The following USP6 variants were observed in gnomAD, a reference collection of about 807,000 sequenced individuals.
The protein encoded by USP6 is ubiquitin specific peptidase 6.
Under a neutral mutation model 175.7 loss-of-function variants are expected in USP6, and 128 were observed. The observed-to-expected ratio is 0.73, with a 90% CI of 0.63 to 0.84. The LOEUF (loss-of-function observed/expected upper bound fraction) is 0.84, where lower values mean the gene tolerates loss of function less well. Ranked by LOEUF, USP6 falls within the 40% of genes least tolerant of loss-of-function variation. The pLI is 0.00. For synonymous variants in USP6, 562 were observed against 630.6 expected, an observed-to-expected ratio of 0.89 and a Z score of 1.63; for missense variants, 1,498 against 1,760.3, an observed-to-expected ratio of 0.85 and a Z score of 2.67.
At chr17:5,170,364 C>G (rs2074186704) in intron 35 of USP6, 115 bp from the exon 36 acceptor site, 1 of 1,461,676 alleles carries the variant, frequency 6.8e-7, no homozygotes, top group African/African-American at 1.4e-5. Context: ...GTCATGACTC[C>G]CCTGTCTTTA....
At chr17:5,164,462 G>T (rs1598093587) in intron 33 of USP6, among the ~76,000 whole-genome samples, 1 of 152,354 alleles carries the variant, frequency 6.6e-6, no homozygotes, top group South Asian at 2.1e-4. Context: ...ATAAATCTTT[G>T]TTAGCACAAA....
intron 31 of USP6, among the ~76,000 whole-genome samples, chr17:5,158,578 A>G (rs1231189530): frequency 1.5e-4 from 20 of 134,188 alleles, no homozygotes; most frequent in Admixed American, 3.1e-4. Flanking sequence ...AAAGAGAGAG[A>G]GGGAGAGAGA....
chr17:5,174,384 A>G lies in USP6; in HGVS notation c.*1406A>G, dbSNP rs1454996691. The G allele has an allele frequency of 5.2e-6, 1 of 190,850 alleles. No individual in the cohort carries two copies. The highest frequency in any genetic ancestry group is 8.3e-5 in the East Asian group (1 of 12,038). The allele number at this position is 190,850 out of a possible 1,614,324, so 11.8% of individuals were successfully genotyped here. A position where few individuals can be genotyped will look rare whatever the true frequency, so the allele number is the denominator to read the frequency against. On this transcript the variant is annotated 3_prime_UTR_variant, in exon 38 of 38. Coordinates refer to ENST00000574788, the MANE Select transcript of USP6 (RefSeq NM_001304284.2). ...TCTTCCTCATAGGTAGTAATTACCA[A>G]TGTAACTAAGCATTTGTGTTCTGAT...
In USP6 at chr17:5,172,841, TACA is replaced by T; in HGVS notation, c.4085_4087del (p.Tyr1362_Ile1363delinsPhe). On this transcript the variant is annotated inframe_deletion, in exon 38 of 38. Transcript: ENST00000574788. ...TGATGAAATTGACACCGACTCTGCC[TACA>T]TTCTTTTCTATGAGCAGCAGGGGAT... is the stretch of plus-strand genomic sequence containing the variant. The T allele has an allele frequency of 1.2e-6, 2 of 1,613,932 alleles. No homozygotes were observed. Among genetic ancestry groups the T allele is most frequent in the South Asian group, 2.2e-5 (2 of 91,076 alleles).
In USP6 at chr17:5,130,406, G is replaced by A; in HGVS notation, c.39G>A (p.Gln13=). ...AGAATGCAGATAGTTTGCAGGCACAGGAGCGGAAGGACATACTTATGAAGT... is the reference window on the plus strand; with the variant it reads ...AGAATGCAGATAGTTTGCAGGCACAAGAGCGGAAGGACATACTTATGAAGT... The part of the protein sequence containing the change: ...MVENADSLQA[Q]ERKDILMKYD... The change falls in exon 10 of 38, where the codon CAG becomes CAA. Residue 13 remains glutamine (Q), a synonymous_variant. Transcript: ENST00000574788. 2 of 1,614,176 alleles carry A rather than the reference G, an allele frequency of 1.2e-6. No homozygotes were observed. The highest frequency in any genetic ancestry group is 1.7e-6 in the Non-Finnish European group (2 of 1,180,034).
chr17:5,155,568 A>C lies in USP6; in HGVS notation c.2790A>C (p.Pro930=), dbSNP rs777233963. 13 of 1,613,582 alleles carry C rather than the reference A, an allele frequency of 8.1e-6. No individual in the cohort carries two copies. The highest frequency in any genetic ancestry group is 1.1e-5 in the Non-Finnish European group (13 of 1,179,856). The change falls in exon 31 of 38, where the codon CCA becomes CCC. Residue 930 remains proline, a synonymous_variant. Coordinates refer to ENST00000574788, the MANE Select transcript of USP6 (RefSeq NM_001304284.2). ...VWIQVSWLAR[P]LPPQEASIHA... is the part of the protein sequence containing the mutation. Reference sequence around the variant, plus strand: ...TTCAAGTATCCTGGTTAGCAAGACCACTCCCACCTCAGGAAGCTAGTATTC... The same window carrying C: ...TTCAAGTATCCTGGTTAGCAAGACCCCTCCCACCTCAGGAAGCTAGTATTC...
intron 21 of USP6, among the ~76,000 whole-genome samples, chr17:5,138,646 C>A (rs574944322): frequency 6.6e-6 from 1 of 152,276 alleles, no homozygotes; most frequent in East Asian, 1.9e-4. Context: ...GCAGCAGAGG[C>A]CCCTCACTCC....
chr17:5,174,165 TTTGC>T lies in USP6; in HGVS notation c.*1190_*1193del, dbSNP rs2074280159. 1 of 197,010 alleles carries T rather than the reference TTTGC, an allele frequency of 5.1e-6. No homozygotes were observed. The highest frequency in any genetic ancestry group is 1.1e-5 in the Non-Finnish European group (1 of 94,612). The allele number at this position is 197,010 out of a possible 1,614,324, so 12.2% of individuals were successfully genotyped here. ...CAGTAGTCATTGAAAGTTATGTTTC[TTTGC>T]TTACTTCATTTTTTCCCTCTAATTA... On this transcript the variant is annotated 3_prime_UTR_variant, in exon 38 of 38. Coordinates refer to ENST00000574788, the MANE Select transcript of USP6 (RefSeq NM_001304284.2).
Position 5,142,089 on chromosome 17 carries a change from C to G in USP6, c.1660C>G (p.Gln554Glu). 1 of 1,613,886 alleles carries G rather than the reference C, an allele frequency of 6.2e-7. No homozygotes were observed. Among genetic ancestry groups the G allele is most frequent in the South Asian group, 1.1e-5 (1 of 91,058 alleles). Reference sequence around the variant, plus strand: ...AAGCATCCAGTGCGTTAGTAACACACAGCCACTGACACAGTATTTTATCTC... The same window carrying G: ...AAGCATCCAGTGCGTTAGTAACACAGAGCCACTGACACAGTATTTTATCTC... ...NSSIQCVSNT[Q>E]PLTQYFISGR... Residue 554 changes from glutamine (Q) to glutamate (E), a missense_variant, in exon 24 of 38, where the codon CAG becomes GAG. Around this residue, in one of 2 missense-constraint regions of USP6, gnomAD observed 1,217 missense variants for 1,500.8 expected, o/e 0.81. Transcript: ENST00000574788.
intron 30 of USP6, among the ~76,000 whole-genome samples, chr17:5,152,378 A>T (rs565462859): frequency 6.6e-6 from 1 of 152,324 alleles, no homozygotes; most frequent in South Asian, 2.1e-4. Flanking sequence ...AGCAACAGGA[A>T]CTCTCATACC....
chr17:5,137,140 G>C lies in USP6; in HGVS notation c.779G>C (p.Gly260Ala), dbSNP rs758089541. Residue 260 changes from glycine (G) to alanine (A), a missense_variant, in exon 19 of 38, where the codon GGG (glycine) becomes GCG (alanine). By Grantham distance (60) the Gly-to-Ala change is moderately conservative. Transcript: ENST00000574788. Reference sequence around the variant, plus strand: ...CATCAGGACAAGGAAGGTCTATGCGGGCAGTGTGCCTCGTTAGGCTGCCTT... The same window carrying C: ...CATCAGGACAAGGAAGGTCTATGCGCGCAGTGTGCCTCGTTAGGCTGCCTT... ...MWHQDKEGLC[G>A]QCASLGCLLR... The C allele has an allele frequency of 3.2e-5, 52 of 1,613,412 alleles. No individual in the cohort carries two copies. Among genetic ancestry groups the C allele is most frequent in the Non-Finnish European group, 4.2e-5 (50 of 1,179,638 alleles).
chr17:5,133,730 T>C (rs879055398), intron 14 of USP6, among the ~76,000 whole-genome samples, 157 bp from the exon 15 acceptor site: 5 of 152,112 alleles, frequency 3.3e-5, no homozygotes, highest in Non-Finnish European at 7.4e-5. Flanking sequence ...TGACCCTCCC[T>C]GGCCTCAGTA....
intron 6 of USP6, among the ~76,000 whole-genome samples, chr17:5,126,412 A>C (rs1303896262): frequency 6.6e-6 from 1 of 152,166 alleles, no homozygotes; most frequent in Non-Finnish European, 1.5e-5. Context: ...GCTGTAGTCA[A>C]AGGTTTTATG....
At position 5,138,268 on chromosome 17, in the gene USP6, C is replaced by A; in HGVS notation, c.1073C>A (p.Pro358His). The A allele has an allele frequency of 6.2e-7, 1 of 1,613,440 alleles. No individual in the cohort carries two copies. ...KLTRKQGDLP[P>H]PAKREQGSLA... ...ACAAGGAAGCAAGGGGACCTGCCAC[C>A]CCCAGGTGGGCTCCAGTGCCATGTC... The change falls in exon 21 of 38, where the codon CCC becomes CAC. Residue 358 changes from proline to histidine, a missense_variant. Physicochemically the swap from Pro to His is moderately conservative, Grantham distance 77 (BLOSUM62 -2). Around this residue, in one of 2 missense-constraint regions of USP6, gnomAD observed 1,217 missense variants for 1,500.8 expected, o/e 0.81. Coordinates refer to ENST00000574788, the MANE Select transcript of USP6 (RefSeq NM_001304284.2).
At chr17:5,122,448 T>C (rs1360318887) in intron 4 of USP6, among the ~76,000 whole-genome samples, 1 of 152,196 alleles carries the variant, frequency 6.6e-6, no homozygotes, top group Non-Finnish European at 1.5e-5. Flanking sequence ...AGTCACACGT[T>C]GCAGCTTTTT....
chr17:5,166,695 A>G (rs1041359482), intron 33 of USP6, among the ~76,000 whole-genome samples: 1 of 151,994 alleles, frequency 6.6e-6, no homozygotes, highest in Admixed American at 6.6e-5. Context: ...CTTCCCATAC[A>G]TTAGAGGGAC....
chr17:5,157,244 C>G (rs761035143), intron 31 of USP6, among the ~76,000 whole-genome samples: 266 of 152,026 alleles, frequency 1.7e-3, no homozygotes, highest in Non-Finnish European at 2.4e-3. Context: ...TGCCACCACG[C>G]CTGGCTAGTT....
Position 5,145,656 on chromosome 17 carries a change from A to C in USP6, c.2167+77A>C, listed in dbSNP as rs532107886. The C allele has an allele frequency of 1.3e-5, 19 of 1,468,764 alleles. No homozygotes were observed. The Admixed American group carries it at 4.9e-4, about 38-fold the overall frequency. The allele number at this position is 1,468,764 out of a possible 1,614,324, so 91.0% of individuals were successfully genotyped here. On this transcript the variant is annotated intron_variant, in intron 27 of 37. Transcript: ENST00000574788. ...TTAAATAGCCTGAATTTGTAAGCAT[A>C]GTTATTTGTTTACAAATAAAGACTG...
At position 5,148,669 on chromosome 17, in the gene USP6, A is replaced by G. The variant is rs1366516595; in HGVS notation, c.2545A>G (p.Thr849Ala). The G allele has an allele frequency of 2.3e-5, 37 of 1,613,842 alleles. No individual in the cohort carries two copies. Among genetic ancestry groups the G allele is most frequent in the Non-Finnish European group, 2.9e-5 (34 of 1,179,866 alleles). Residue 849 changes from threonine to alanine, a missense_variant, in exon 30 of 38, where the codon ACT (threonine) becomes GCT (alanine). By Grantham distance (58) the Thr-to-Ala change is moderately conservative. Around this residue, in one of 2 missense-constraint regions of USP6, gnomAD observed 1,217 missense variants for 1,500.8 expected, o/e 0.81. Coordinates refer to ENST00000574788, the MANE Select transcript of USP6 (RefSeq NM_001304284.2). ...GMPNTVVPCG[T>A]EKNFTNGMVN... Reference sequence around the variant, plus strand: ...GCCAAACACTGTTGTGCCATGTGGAACTGAGAAGAACTTCACAAATGGAAT... The same window carrying G: ...GCCAAACACTGTTGTGCCATGTGGAGCTGAGAAGAACTTCACAAATGGAAT...
Sources: allele counts gnomAD v4.1 joint callset (sites outside exome capture counted in the v4.1 genomes callset), GRCh38; gene constraint gnomAD v4.1.1; regional missense constraint gnomAD v4.1.1; transcripts MANE v1.5; gene names NCBI Gene and HGNC (gene_info 2026-07-23, HGNC 2026-07-21).